PGAP6: variants seen among roughly 807,000 people sequenced by gnomAD.
PGAP6 encodes the protein post-GPI attachment to proteins 6.
PGAP6 carries 62 observed loss-of-function variants against 68.4 expected under a neutral mutation model. That is an observed-to-expected ratio of 0.91 (90% confidence interval 0.74 to 1.12). The LOEUF (loss-of-function observed/expected upper bound fraction) is 1.12. PGAP6 is among the 50% of genes most tolerant of loss of function. The pLI, the probability that PGAP6 is intolerant of heterozygous loss-of-function variation, is 0.00. For missense variants in PGAP6, 1,188 were observed against 1,068.5 expected, an observed-to-expected ratio of 1.11 and a Z score of -1.56; for synonymous variants, 575 against 474.0, an observed-to-expected ratio of 1.21 and a Z score of -2.77.
rs757728993 is a variant in PGAP6, at chr16:374,822, G to A, written c.1510C>T (p.Pro504Ser). The change falls in exon 9 of 13, where the codon CCC (proline) becomes TCC (serine). Residue 504 changes from proline to serine, a missense_variant. Coordinates refer to ENST00000431232, the MANE Select transcript of PGAP6 (RefSeq NM_021259.3). ...YLVPCLNDCG[P>S]YGQCLLLRRH... The stretch of plus-strand genomic sequence containing the variant: ...CGGAGCAGGAGGCACTGGCCATAGG[G>A]TCCACAATCGTTCAAACAGGGCACC... 2 of 1,613,028 alleles carry A rather than the reference G, an allele frequency of 1.2e-6. No individual in the cohort carries two copies. Among genetic ancestry groups the A allele is most frequent in the Non-Finnish European group, 8.5e-7 (1 of 1,179,958 alleles).
rs141078639 is a variant in PGAP6 at position 380,851 on chromosome 16, C to T, written c.121+850G>A. On this transcript the variant is annotated intron_variant, in intron 1 of 12. Coordinates refer to ENST00000431232, the MANE Select transcript of PGAP6 (RefSeq NM_021259.3). The stretch of plus-strand genomic sequence containing the variant: ...TCGGGGAACAGCACCGCATCAGCTG[C>T]CGGGCACCTGGGCACCCGCGTGGCT... Among the ~76,000 whole-genome samples the T allele has an allele frequency of 5.3e-3, 805 of 152,264 alleles. 4 individuals are homozygous for T. The highest frequency in any genetic ancestry group is 0.018 in the African/African-American group (737 of 41,552).
At chr16:375,293 G>C (rs765882227) in intron 7 of PGAP6, 37 bp from the exon 8 acceptor site, 1 of 1,612,588 alleles carries the variant, frequency 6.2e-7, no homozygotes, top group Non-Finnish European at 8.5e-7. Flanking sequence ...AGAGGAGGCC[G>C]GGGCGGGGGG....
chr16:385,526 T>C (rs1438260976), upstream of PGAP6, among the ~76,000 whole-genome samples: 3 of 150,710 alleles, frequency 2.0e-5, 1 homozygote, highest in East Asian at 3.9e-4. Flanking sequence ...TTAGCCAGGA[T>C]GGTCTCGATC....
intron 9 of PGAP6, 86 bp from the exon 10 acceptor site, chr16:374,485 C>T (rs1597158967): frequency 7.2e-7 from 1 of 1,380,464 alleles, no homozygotes; most frequent in Non-Finnish European, 9.6e-7. Flanking sequence ...GCAGAGAAGC[C>T]CCTTCCTCAC....
At chr16:385,913 C>T (rs1209668904), upstream of PGAP6, among the ~76,000 whole-genome samples, 1 of 151,238 alleles carries the variant, frequency 6.6e-6, no homozygotes, top group South Asian at 2.1e-4. Context: ...CGTGAGCCAC[C>T]GCGCCCGGCC....
At chr16:373,864 A>G (rs2054355411) in intron 11 of PGAP6, 141 bp downstream of exon 11, 1 of 1,065,276 alleles carries the variant, frequency 9.4e-7, no homozygotes, top group Non-Finnish European at 1.3e-6. Context: ...GGTGTGAGCC[A>G]CCATGCTCGG....
Position 371,690 on chromosome 16 carries a change from A to G in PGAP6, c.*297T>C. 1 of 396,642 alleles carries G rather than the reference A, an allele frequency of 2.5e-6. No homozygotes were observed. Among genetic ancestry groups the G allele is most frequent in the Non-Finnish European group, 4.7e-6 (1 of 213,002 alleles). 24.6% of individuals were successfully genotyped at this position (396,642 alleles called of 1,614,324 possible). ...CCACCCACAGGCCAGCAGAGCACAC[A>G]GCCCCACCCTCGCACAGGCACCTGT... On this transcript the variant is annotated 3_prime_UTR_variant, in exon 13 of 13. Transcript: ENST00000431232.
chr16:375,480 C>G, intron 6 of PGAP6, 45 bp from the exon 7 acceptor site: 2 of 1,563,980 alleles, frequency 1.3e-6, no homozygotes, highest in Non-Finnish European at 1.8e-6. Context: ...AGCCCCTGGC[C>G]GCAGTGGGGT....
chr16:386,728 A>C (rs771842272), upstream of PGAP6: 504 of 90,340 alleles, frequency 5.6e-3, no homozygotes, highest in African/African-American at 0.17. Flanking sequence ...AAAAAAACCA[A>C]AAAAAAAAAA....
chr16:383,199 TAAAAA>T (rs3041094), upstream of PGAP6: 1 of 148,512 alleles, frequency 6.7e-6, no homozygotes. Context: ...GTAAAAAGTT[TAAAAA>T]AAAAAAAAAT....
chr16:375,300 G>A (rs918766000), intron 7 of PGAP6, 44 bp from the exon 8 acceptor site: 1 of 1,612,592 alleles, frequency 6.2e-7, no homozygotes, highest in Non-Finnish European at 8.5e-7. Flanking sequence ...GCCGGGGCGG[G>A]GGGCTGGCCG....
rs987934526 is a variant in PGAP6 at position 376,040 on chromosome 16, G to A, written c.1224+96C>T. The A allele has an allele frequency of 9.5e-5, 121 of 1,276,120 alleles. 1 individual carries two copies. Among genetic ancestry groups the A allele is most frequent in the Non-Finnish European group, 1.2e-4 (109 of 940,252 alleles). The allele number at this position is 1,276,120 out of a possible 1,614,324, so 79.0% of individuals were successfully genotyped here. ...CCGTGCCTGCTGGTGTCACTGTGCC[G>A]CCTGTCCCGTGCCAAGGTAAATGAG... On this transcript the variant is annotated intron_variant, in intron 6 of 12. Coordinates refer to ENST00000431232, the MANE Select transcript of PGAP6 (RefSeq NM_021259.3).
Position 374,060 on chromosome 16 carries a change from GC to G in PGAP6, c.1846del (p.Ala616ArgfsTer17). The stretch of plus-strand genomic sequence containing the variant: ...GCACAGGATGGTGACCCAGATGGCC[GC>G]CCCGGAGCCCAAGAAGTCGCAGTAC... Reference protein sequence around the residue: ...LQYCDFLGSGAAIWVTILCMA... With the variant: ...LQYCDFLGSGXAIWVTILCMA... On this transcript the variant is annotated frameshift_variant, in exon 11 of 13. Transcript: ENST00000431232. LOFTEE classifies it high-confidence loss of function. The G allele has an allele frequency of 6.2e-7, 1 of 1,611,850 alleles. No homozygotes were observed.
At chr16:378,842 C>T (rs868777576) in intron 1 of PGAP6, among the ~76,000 whole-genome samples, 1 of 152,358 alleles carries the variant, frequency 6.6e-6, no homozygotes, top group South Asian at 2.1e-4. Context: ...CTGCCCTCTG[C>T]GTTCCAAGCG....
chr16:373,818 C>G (rs560755287), intron 11 of PGAP6, among the ~76,000 whole-genome samples, 187 bp downstream of exon 11: 1 of 101,300 alleles, frequency 9.9e-6, no homozygotes, highest in East Asian at 2.1e-4. Flanking sequence ...CAAGGCATTA[C>G]AGGTGTGAGC....
rs778935127 is a variant in PGAP6 at position 376,325 on chromosome 16, G to A, written c.1035C>T (p.Asp345=). The stretch of plus-strand genomic sequence containing the variant: ...AGTTTGTGAGGCAGAAGGGGCTGCG[G>A]TCCACCCTGCCACTCCTGCCCAGGT... The part of the protein sequence containing the change: ...HQDLGRSGRV[D]RSPFCLTNYP... Residue 345 remains aspartate (D), a synonymous_variant, in exon 6 of 13, where the codon GAC becomes GAT. Transcript: ENST00000431232. The A allele has an allele frequency of 6.2e-7, 1 of 1,612,570 alleles. No homozygotes were observed. The highest frequency in any genetic ancestry group is 8.5e-7 in the Non-Finnish European group (1 of 1,179,952).
upstream of PGAP6, chr16:383,466 T>G (rs1043837235): frequency 6.6e-6 from 1 of 152,204 alleles, no homozygotes; most frequent in Non-Finnish European, 1.5e-5. Context: ...ATGCGTCCAG[T>G]GAGTCAATGT....
chr16:374,594 G>A (rs1352193852), intron 9 of PGAP6, among the ~76,000 whole-genome samples, 162 bp downstream of exon 9: 3 of 152,194 alleles, frequency 2.0e-5, no homozygotes, highest in South Asian at 2.1e-4. Context: ...CAGACGGATT[G>A]TTGGTGGGGA....
upstream of PGAP6, chr16:382,348 G>T (rs752818255): frequency 5.2e-6 from 2 of 386,726 alleles, no homozygotes; most frequent in Non-Finnish European, 9.2e-6. Context: ...GGGGGCAGAG[G>T]CGCCGACCTC....
Sources: allele counts gnomAD v4.1 joint callset (sites outside exome capture counted in the v4.1 genomes callset), GRCh38; gene constraint gnomAD v4.1.1; transcripts MANE v1.5; gene names NCBI Gene and HGNC (gene_info 2026-07-23, HGNC 2026-07-21).